CNTN5: variants seen among roughly 807,000 people sequenced by gnomAD.
The protein encoded by CNTN5 is contactin-5.
Under a neutral mutation model 129.1 loss-of-function variants are expected in CNTN5, and 77 were observed. The ratio of observed to expected loss-of-function variants is 0.60; its 90% CI spans 0.50 to 0.72. CNTN5 has a LOEUF of 0.72. Ranked by LOEUF, CNTN5 falls within the 30% of genes least tolerant of loss-of-function variation. The pLI is 0.00. For synonymous variants in CNTN5, 509 were observed against 465.6 expected (o/e 1.09, Z -1.20); for missense variants, 1,478 against 1,328.8 (o/e 1.11, Z -1.75).
At chr11:100,071,376 C>T (rs1943916733) in intron 11 of CNTN5, among the ~76,000 whole-genome samples, 1 of 152,054 alleles carries the variant, frequency 6.6e-6, no homozygotes, top group South Asian at 2.1e-4. Context: ...AAACGGAATG[C>T]AAATAAAAGC....
intron 6 of CNTN5, among the ~76,000 whole-genome samples, chr11:99,900,260 G>C (rs1427126366): frequency 7.0e-6 from 1 of 143,856 alleles, no homozygotes; most frequent in Non-Finnish European, 1.5e-5. Context: ...CCTTTCATTT[G>C]TTCTTGTTTT....
intron 2 of CNTN5, among the ~76,000 whole-genome samples, chr11:99,463,635 T>A (rs932392842): frequency 6.6e-6 from 1 of 152,086 alleles, no homozygotes; most frequent in African/African-American, 2.4e-5. Context: ...ACAGAATCAG[T>A]CATTTATAGC....
chr11:99,452,318 A>G (rs1292896773), intron 2 of CNTN5, among the ~76,000 whole-genome samples: 2 of 151,458 alleles, frequency 1.3e-5, no homozygotes, highest in Non-Finnish European at 2.9e-5. Flanking sequence ...GTTCTATGAC[A>G]GTCTGAATTT....
At chr11:100,280,684 T>C (rs1950617223) in intron 18 of CNTN5, among the ~76,000 whole-genome samples, 1 of 152,114 alleles carries the variant, frequency 6.6e-6, no homozygotes, top group Non-Finnish European at 1.5e-5. Context: ...CATGCAGTGT[T>C]ACTATTGATA....
chr11:100,324,414 G>A (rs1173594447), intron 21 of CNTN5, among the ~76,000 whole-genome samples: 1 of 152,156 alleles, frequency 6.6e-6, no homozygotes, highest in Non-Finnish European at 1.5e-5. Context: ...GCTCAAAGGG[G>A]AAGTGGGGCA....
At chr11:99,281,269 A>G (rs1863682601) in intron 1 of CNTN5, among the ~76,000 whole-genome samples, 1 of 151,954 alleles carries the variant, frequency 6.6e-6, no homozygotes, top group South Asian at 2.1e-4. Context: ...AGGAATTTTC[A>G]GATTCAGAAA....
At chr11:99,588,615 T>C (rs377432754) in intron 3 of CNTN5, among the ~76,000 whole-genome samples, 12 of 152,080 alleles carry the variant, frequency 7.9e-5, no homozygotes, top group Admixed American at 5.2e-4. Context: ...CTCTGTGGGG[T>C]GAGTCTTCAA....
intron 3 of CNTN5, among the ~76,000 whole-genome samples, chr11:99,584,240 C>T (rs1382734922): frequency 2.0e-5 from 3 of 152,184 alleles, no homozygotes; most frequent in South Asian, 4.1e-4. Flanking sequence ...CGGGACATAA[C>T]ACTCAGAGTA....
chr11:99,429,520 G>GGA (rs376778258), intron 2 of CNTN5, among the ~76,000 whole-genome samples: 1 of 151,802 alleles, frequency 6.6e-6, no homozygotes, highest in East Asian at 1.9e-4. Context: ...ACAGCAAAAG[G>GGA]GAGAGAGAGA....
intron 3 of CNTN5, among the ~76,000 whole-genome samples, chr11:99,794,037 T>C (rs1434954657): frequency 6.6e-6 from 1 of 152,210 alleles, no homozygotes; most frequent in Non-Finnish European, 1.5e-5. Context: ...ATTATTATTA[T>C]GTGGTTATCT....
At chr11:100,111,837 T>C (rs1945667861) in intron 13 of CNTN5, among the ~76,000 whole-genome samples, 1 of 152,208 alleles carries the variant, frequency 6.6e-6, no homozygotes, top group Admixed American at 6.5e-5. Flanking sequence ...CAGTCTTTGA[T>C]TGTATGAATT....
rs1040857699 is a variant in CNTN5, at chr11:100,056,302, CA to C, written c.981-4906del. 2.0e-5 allele frequency among the ~76,000 whole-genome samples: 3 copies of C among 151,126 alleles called. No individual in the cohort carries two copies. In the South Asian group the frequency reaches 6.2e-4, roughly 31 times the overall value. The stretch of plus-strand genomic sequence containing the variant: ...AGAACAATTTAATAAATTGGAGCAA[CA>C]AAATCAAAAAGTAAAATTCCACTAT... On this transcript the variant is annotated intron_variant, in intron 9 of 24. Transcript: ENST00000524871.
chr11:100,160,269 C>G (rs1591334820), intron 13 of CNTN5, among the ~76,000 whole-genome samples: 1 of 151,928 alleles, frequency 6.6e-6, no homozygotes, highest in African/African-American at 2.4e-5. Context: ...TTTATGGCTG[C>G]ATAGTATTCC....
chr11:99,460,309 ATTAT>A (rs1167381152), intron 2 of CNTN5, among the ~76,000 whole-genome samples: 2 of 151,634 alleles, frequency 1.3e-5, no homozygotes, highest in African/African-American at 4.8e-5. Flanking sequence ...TATTTAAGAA[ATTAT>A]TTAAGAAATA....
intron 1 of CNTN5, among the ~76,000 whole-genome samples, chr11:99,105,098 C>A (rs1866933309): frequency 6.6e-6 from 1 of 152,082 alleles, no homozygotes; most frequent in African/African-American, 2.4e-5. Context: ...ATGAAGGCAA[C>A]CAGATCTCAG....
chr11:100,070,546 C>A lies in CNTN5; in HGVS notation c.1285C>A (p.Pro429Thr), dbSNP rs1426413180. ...PTYRWLKNGV[P>T]LSPQSRVEMV... The stretch of plus-strand genomic sequence containing the variant: ...GTATCGTTGGCTGAAGAATGGAGTA[C>A]CCCTCTCACCTCAGGTACTGTTGGG... The change falls in exon 11 of 25, where the codon CCC becomes ACC. Residue 429 changes from proline to threonine, a missense_variant. Physicochemically the swap from Pro to Thr is conservative, Grantham distance 38. Coordinates refer to ENST00000524871, the MANE Select transcript of CNTN5 (RefSeq NM_014361.4). 1.9e-6 allele frequency: 3 copies of A among 1,612,940 alleles called. No homozygotes were observed. The highest frequency in any genetic ancestry group is 2.5e-6 in the Non-Finnish European group (3 of 1,179,350).
chr11:99,728,082 G>A (rs994292500), intron 3 of CNTN5, among the ~76,000 whole-genome samples: 1 of 152,264 alleles, frequency 6.6e-6, no homozygotes, highest in African/African-American at 2.4e-5. Flanking sequence ...GGACTCACCT[G>A]TATATTAGAA....
intron 2 of CNTN5, among the ~76,000 whole-genome samples, chr11:99,359,440 G>T (rs1457833803): frequency 3.3e-5 from 5 of 151,816 alleles, no homozygotes; most frequent in Non-Finnish European, 7.4e-5. Context: ...TAATTTTAGG[G>T]GGACACAAAC....
chr11:99,255,364 G>T (rs1862321365), intron 1 of CNTN5, among the ~76,000 whole-genome samples: 1 of 151,600 alleles, frequency 6.6e-6, no homozygotes, highest in African/African-American at 2.4e-5. Flanking sequence ...AAAAGTTGAA[G>T]GGGATAAATT....
Sources: allele counts gnomAD v4.1 joint callset (sites outside exome capture counted in the v4.1 genomes callset), GRCh38; gene constraint gnomAD v4.1.1; transcripts MANE v1.5; gene names NCBI Gene and HGNC (gene_info 2026-07-23, HGNC 2026-07-21).